Variants in LNX1 observed in about 807,000 individuals in gnomAD.
LNX1 encodes the protein E3 ubiquitin-protein ligase LNX.
LNX1 carries 54 observed loss-of-function variants against 68.4 expected under a neutral mutation model. That is an observed-to-expected ratio of 0.79 (90% confidence interval 0.63 to 0.99). The LOEUF (loss-of-function observed/expected upper bound fraction) is 0.99, where lower values mean the gene tolerates loss of function less well. Ranked by LOEUF, LNX1 falls within the 50% of genes least tolerant of loss-of-function variation. The pLI, the probability that LNX1 is intolerant of heterozygous loss-of-function variation, is 0.00. For synonymous variants in LNX1, 336 were observed against 350.0 expected (o/e 0.96, Z 0.45); for missense variants, 906 against 926.4 (o/e 0.98, Z 0.29).
intron 1 of LNX1, among the ~76,000 whole-genome samples, chr4:53,651,333 C>A (rs17663485): frequency 4.6e-5 from 7 of 152,246 alleles, no homozygotes; most frequent in African/African-American, 1.7e-4. Flanking sequence ...CCTTGGGCAC[C>A]GGACTTGCAC....
chr4:53,648,915 T>A, intron 1 of LNX1, among the ~76,000 whole-genome samples: 1 of 152,030 alleles, frequency 6.6e-6, no homozygotes, highest in Non-Finnish European at 1.5e-5. Flanking sequence ...ACCCACTGAG[T>A]GTGTATAATG....
chr4:53,640,828 T>A (rs1996005), intron 1 of LNX1, among the ~76,000 whole-genome samples: 113,845 of 152,178 alleles, frequency 0.75, 42,901 homozygotes, highest in East Asian at 0.91. Context: ...GCATTGACTA[T>A]TTCTCACAAG....
upstream of LNX1, among the ~76,000 whole-genome samples, chr4:53,595,989 C>T (rs1732735839): frequency 1.3e-5 from 2 of 152,152 alleles, no homozygotes; most frequent in East Asian, 1.9e-4. Context: ...CTTTGGCTAT[C>T]TTCTAAAGGT....
intron 1 of LNX1, among the ~76,000 whole-genome samples, chr4:53,624,110 C>A (rs1416148919): frequency 1.3e-5 from 2 of 152,184 alleles, no homozygotes; most frequent in East Asian, 1.9e-4. Context: ...GTCCTCCTTA[C>A]TTGTTTCCTC....
intron 2 of LNX1, among the ~76,000 whole-genome samples, chr4:53,527,051 TAAAA>T (rs11415751): frequency 8.2e-6 from 1 of 121,488 alleles, no homozygotes; most frequent in Non-Finnish European, 1.6e-5. Context: ...TCCCTGCCCC[TAAAA>T]AAAAAAAAAA....
chr4:53,604,138 T>C (rs1378123392), intron 2 of LNX1: 2 of 152,154 alleles, frequency 1.3e-5, no homozygotes, highest in African/African-American at 4.8e-5. Context: ...TTTAATCAAA[T>C]TGATGACAAT....
chr4:53,506,856 T>TA (rs59260730), intron 4 of LNX1, among the ~76,000 whole-genome samples: 16,968 of 54,192 alleles, frequency 0.31, 3,147 homozygotes, highest in South Asian at 0.48. Context: ...AAACTCTGTC[T>TA]AAAAAAAAAA....
At chr4:53,631,164 T>C (rs1734255566) in intron 1 of LNX1, among the ~76,000 whole-genome samples, 1 of 150,938 alleles carries the variant, frequency 6.6e-6, no homozygotes, top group South Asian at 2.1e-4. Flanking sequence ...ACAGTTTTAG[T>C]ACCCAGGGGG....
At chr4:53,581,814 G>A (rs1163496941) in intron 1 of LNX1, among the ~76,000 whole-genome samples, 2 of 152,228 alleles carry the variant, frequency 1.3e-5, no homozygotes, top group Middle Eastern at 3.4e-3. Flanking sequence ...CACGCATCTT[G>A]TTTTTGATTG....
intron 1 of LNX1, among the ~76,000 whole-genome samples, chr4:53,646,803 AACAG>A (rs1734902022): frequency 6.6e-6 from 1 of 152,226 alleles, no homozygotes; most frequent in African/African-American, 2.4e-5. Context: ...AATAAATGAA[AACAG>A]ACATCTGTTT....
intron 2 of LNX1, among the ~76,000 whole-genome samples, chr4:53,541,268 G>A (rs192708962): frequency 1.3e-5 from 2 of 152,254 alleles, no homozygotes; most frequent in Admixed American, 6.5e-5. Context: ...ATTAGCAACT[G>A]AATCAACTTC....
In LNX1 at chr4:53,481,777, GC is replaced by G. The variant is rs757101737; in HGVS notation, c.1427del (p.Gly476AlafsTer33). The G allele has an allele frequency of 1.9e-6, 3 of 1,613,904 alleles. No homozygotes were observed. ...QRSPDIFQEA[G>X]WNSNGSWSPG... ...GGGACCAGCTGCCATTGCTGTTCCAGCCGGCTTCCTGAAAGATGTCAGGGCT... is the reference window on the plus strand; with the variant it reads ...GGGACCAGCTGCCATTGCTGTTCCAGCGGCTTCCTGAAAGATGTCAGGGCT... On this transcript the variant is annotated frameshift_variant, in exon 7 of 11. Coordinates refer to ENST00000263925, the MANE Select transcript of LNX1 (RefSeq NM_001126328.3). LOFTEE classifies it high-confidence loss of function.
At chr4:53,586,947 C>T (rs989171173) in intron 1 of LNX1, among the ~76,000 whole-genome samples, 12 of 152,186 alleles carry the variant, frequency 7.9e-5, no homozygotes, top group African/African-American at 2.9e-4. Context: ...CTTCACTTTA[C>T]AGATGAGTGT....
chr4:53,532,560 C>T (rs1728092835), intron 2 of LNX1, among the ~76,000 whole-genome samples: 1 of 152,166 alleles, frequency 6.6e-6, no homozygotes, highest in Non-Finnish European at 1.5e-5. Flanking sequence ...AAGGCCATTC[C>T]CTCTTGAATG....
chr4:53,590,583 A>G (rs1232337983), intron 1 of LNX1, among the ~76,000 whole-genome samples: 3 of 152,214 alleles, frequency 2.0e-5, no homozygotes, highest in Non-Finnish European at 4.4e-5. Flanking sequence ...TTTAAAAGCC[A>G]GGTCCTGGCA....
intron 2 of LNX1, among the ~76,000 whole-genome samples, chr4:53,560,429 TC>T (rs1730205578): frequency 6.6e-6 from 1 of 152,196 alleles, no homozygotes; most frequent in African/African-American, 2.4e-5. Flanking sequence ...TGGTTGCCTA[TC>T]AAATATTTAA....
intron 2 of LNX1, among the ~76,000 whole-genome samples, chr4:53,565,201 A>G (rs1730578413): frequency 1.3e-5 from 2 of 152,184 alleles, no homozygotes; most frequent in Admixed American, 1.3e-4. Flanking sequence ...GGCAGGGCAC[A>G]GACAAACAAA....
At chr4:53,620,604 G>T (rs140570241), upstream of LNX1, among the ~76,000 whole-genome samples, 9 of 152,258 alleles carry the variant, frequency 5.9e-5, no homozygotes, top group East Asian at 1.7e-3. Context: ...GGTACAACGT[G>T]CATTGCTCCA....
At chr4:53,515,127 C>T (rs1448200988) in intron 2 of LNX1, among the ~76,000 whole-genome samples, 1 of 152,114 alleles carries the variant, frequency 6.6e-6, no homozygotes, top group Admixed American at 6.6e-5. Flanking sequence ...TAGAACCAAA[C>T]TTTGAATATG....
Sources: gnomAD v4.1 joint callset for allele counts (sites outside exome capture counted in the v4.1 genomes callset) on GRCh38, gnomAD v4.1.1 for gene constraint, MANE v1.5 for transcripts, NCBI Gene and HGNC (gene_info 2026-07-23, HGNC 2026-07-21) for gene names.